NPEPPS: variants seen among roughly 807,000 people sequenced by gnomAD.
The protein encoded by NPEPPS is aminopeptidase puromycin sensitive, also known as puromycin-sensitive aminopeptidase.
In NPEPPS, 14 loss-of-function variants were observed where a neutral mutation model predicts 115.5. The observed-to-expected ratio is 0.12, with a 90% confidence interval of 0.08 to 0.19. The LOEUF is 0.19. Among genes scored for constraint, NPEPPS ranks in the 10% least tolerant of loss-of-function variants. The pLI, the probability that NPEPPS is intolerant of heterozygous loss-of-function variation, is 1.00. For missense variants in NPEPPS, 523 were observed against 1,110.8 expected, an observed-to-expected ratio of 0.47 and a Z score of 7.52; for synonymous variants, 285 against 390.6, an observed-to-expected ratio of 0.73 and a Z score of 3.19.
intron 12 of NPEPPS, among the ~76,000 whole-genome samples, chr17:47,593,975 C>G (rs1257950212): frequency 6.6e-6 from 1 of 152,012 alleles, no homozygotes; most frequent in East Asian, 1.9e-4. Context: ...GGCACCATGC[C>G]AAAACCTCGC....
chr17:47,532,773 C>T (rs1464959372), intron 1 of NPEPPS, among the ~76,000 whole-genome samples: 2 of 151,994 alleles, frequency 1.3e-5, no homozygotes, highest in Non-Finnish European at 2.9e-5. Flanking sequence ...ACTCCACTCC[C>T]TCCTCCCGCA....
chr17:47,574,316 A>C (rs1911376098), intron 3 of NPEPPS, among the ~76,000 whole-genome samples: 1 of 152,142 alleles, frequency 6.6e-6, no homozygotes, highest in Non-Finnish European at 1.5e-5. Flanking sequence ...CAAAAGATAT[A>C]TAAACCTAGC....
chr17:47,587,497 G>T (rs140599246), intron 9 of NPEPPS, among the ~76,000 whole-genome samples, 153 bp downstream of exon 9: 2,109 of 151,518 alleles, frequency 0.014, 24 homozygotes, highest in Non-Finnish European at 0.022. Context: ...CTTTGAAAAG[G>T]CTTATCAGAA....
chr17:47,555,100 C>G (rs1909912201), intron 2 of NPEPPS, among the ~76,000 whole-genome samples: 1 of 152,092 alleles, frequency 6.6e-6, no homozygotes. Context: ...GTGCTCTATC[C>G]TATTAACTTT....
intron 17 of NPEPPS, among the ~76,000 whole-genome samples, chr17:47,612,161 A>G (rs565367738): frequency 2.6e-4 from 40 of 152,308 alleles, no homozygotes; most frequent in African/African-American, 9.4e-4. Flanking sequence ...TGTCCTTTTC[A>G]CACATAATCC....
At chr17:47,568,860 G>A (rs1156335579) in intron 2 of NPEPPS, among the ~76,000 whole-genome samples, 2 of 150,812 alleles carry the variant, frequency 1.3e-5, no homozygotes, top group African/African-American at 2.4e-5. Flanking sequence ...TCTCCGTGTT[G>A]GTCAGGCTGG....
chr17:47,601,802 G>A (rs2143915994), intron 15 of NPEPPS, 55 bp downstream of exon 15: 15 of 1,534,102 alleles, frequency 9.8e-6, no homozygotes, highest in East Asian at 4.6e-5. Context: ...TTTTATGGCC[G>A]GTTTTAAATT....
intron 21 of NPEPPS, 78 bp from the exon 22 acceptor site, chr17:47,619,658 AT>A: frequency 8.6e-7 from 1 of 1,162,646 alleles, no homozygotes; most frequent in Non-Finnish European, 1.3e-6. Context: ...AGAGAACAGA[AT>A]GATTTATTTT....
intron 3 of NPEPPS, among the ~76,000 whole-genome samples, chr17:47,571,205 G>A (rs538280783): frequency 8.5e-5 from 13 of 152,260 alleles, no homozygotes; most frequent in African/African-American, 3.1e-4. Flanking sequence ...TTAAGGTGGT[G>A]AATCATGTCT....
Position 47,619,717 on chromosome 17 carries a change from T to TTAA in NPEPPS, c.2560-19_2560-17dup. ...TCAGCCTCTTGGTTTCACTTACTGT[T>TTAA]TAAAACCATTGTTTTGCAGCTATCA... On this transcript the variant is annotated intron_variant, in intron 21 of 22. Coordinates refer to ENST00000322157, the MANE Select transcript of NPEPPS (RefSeq NM_006310.4). The TTAA allele has an allele frequency of 2.5e-6, 4 of 1,610,544 alleles. No homozygotes were observed. Among genetic ancestry groups the TTAA allele is most frequent in the Non-Finnish European group, 3.4e-6 (4 of 1,176,788 alleles).
At chr17:47,587,188 T>A in intron 8 of NPEPPS, 42 bp from the exon 9 acceptor site, 1 of 1,515,356 alleles carries the variant, frequency 6.6e-7, no homozygotes, top group Non-Finnish European at 8.8e-7. Flanking sequence ...ATGCCCACTT[T>A]TATTGTTTAA....
At chr17:47,550,025 C>T (rs1909526396) in intron 2 of NPEPPS, among the ~76,000 whole-genome samples, 1 of 149,394 alleles carries the variant, frequency 6.7e-6, no homozygotes. Flanking sequence ...AGCTCTGCCT[C>T]CCGGGTTCAC....
At chr17:47,565,370 G>A (rs1358460827) in intron 2 of NPEPPS, among the ~76,000 whole-genome samples, 2 of 151,946 alleles carry the variant, frequency 1.3e-5, no homozygotes, top group Non-Finnish European at 1.5e-5. Context: ...TTAGCCAGGC[G>A]TGGTGGTGCG....
intron 21 of NPEPPS, 71 bp downstream of exon 21, chr17:47,619,235 C>A: frequency 7.2e-7 from 1 of 1,380,844 alleles, no homozygotes; most frequent in Non-Finnish European, 1.0e-6. Context: ...TCACTACACC[C>A]ATACATTGTG....
chr17:47,584,381 C>T (rs1183764711), intron 5 of NPEPPS, among the ~76,000 whole-genome samples: 1 of 152,156 alleles, frequency 6.6e-6, no homozygotes, highest in African/African-American at 2.4e-5. Flanking sequence ...TGTTATTGAT[C>T]TCATTCATGA....
At chr17:47,557,893 CT>C in intron 2 of NPEPPS, among the ~76,000 whole-genome samples, 1 of 147,842 alleles carries the variant, frequency 6.8e-6, no homozygotes, top group Admixed American at 6.8e-5. Context: ...CTTTTCTCTC[CT>C]TTTCCTTGCT....
At chr17:47,588,731 G>T (rs750387511) in intron 9 of NPEPPS, among the ~76,000 whole-genome samples, 3 of 152,070 alleles carry the variant, frequency 2.0e-5, no homozygotes, top group Non-Finnish European at 4.4e-5. Flanking sequence ...TTTGAAACAA[G>T]CAATAAATTT....
At position 47,574,245 on chromosome 17, in the gene NPEPPS, CAAATG is replaced by C. The variant is rs1198795760; in HGVS notation, c.418+4756_418+4760del. Among the ~76,000 whole-genome samples the C allele has an allele frequency of 6.5e-4, 99 of 151,730 alleles. 1 individual carries two copies. The highest frequency in any genetic ancestry group is 5.9e-5 in the Non-Finnish European group (4 of 67,956). ...TAGAAGAAAGTTTTAAGAGCAGAAA[CAAATG>C]AAATAAGTGAAGTGAGGGGCAGAAA... On this transcript the variant is annotated intron_variant, in intron 3 of 22. Coordinates refer to ENST00000322157, the MANE Select transcript of NPEPPS (RefSeq NM_006310.4).
chr17:47,548,136 A>G (rs1049124956), intron 2 of NPEPPS: 2 of 152,150 alleles, frequency 1.3e-5, no homozygotes, highest in Non-Finnish European at 2.9e-5. Context: ...AAGAAGTTTC[A>G]TTTTAAGGCC....
Sources: allele counts gnomAD v4.1 joint callset (sites outside exome capture counted in the v4.1 genomes callset), GRCh38; gene constraint gnomAD v4.1.1; transcripts MANE v1.5; gene names NCBI Gene and HGNC (gene_info 2026-07-23, HGNC 2026-07-21).